Variants in ABCA1 observed in about 807,000 individuals in gnomAD.
ABCA1 encodes phospholipid-transporting ATPase ABCA1.
A neutral mutation model predicts 262.5 loss-of-function variants in ABCA1; 133 were observed. That is an observed-to-expected ratio of 0.51 (90% confidence interval 0.44 to 0.59). The LOEUF (loss-of-function observed/expected upper bound fraction) is 0.59. ABCA1 is among the 20% of genes least tolerant of loss of function. The pLI is 0.00. For missense variants in ABCA1, 2,452 were observed against 2,777.5 expected, an observed-to-expected ratio of 0.88 and a Z score of 2.63; for synonymous variants, 1,022 against 1,043.5, an observed-to-expected ratio of 0.98 and a Z score of 0.40.
chr9:104,807,047 G>A (rs1049435977), intron 30 of ABCA1, among the ~76,000 whole-genome samples: 4 of 152,178 alleles, frequency 2.6e-5, no homozygotes, highest in Non-Finnish European at 4.4e-5. Context: ...AGGAAGAAAT[G>A]CATTTCTATT....
intron 41 of ABCA1, 24 bp downstream of exon 41, chr9:104,793,147 C>T (rs1168648863): frequency 1.2e-6 from 2 of 1,613,686 alleles, no homozygotes; most frequent in Middle Eastern, 1.6e-4. Context: ...CCAGGTGCTC[C>T]ACGGGTTCTA....
At chr9:104,857,444 C>T (rs1191760325) in intron 7 of ABCA1, among the ~76,000 whole-genome samples, 4 of 152,124 alleles carry the variant, frequency 2.6e-5, no homozygotes, top group Non-Finnish European at 4.4e-5. Flanking sequence ...GTTGGCCAGG[C>T]TGGTCTCAAA....
At chr9:104,866,022 C>T (rs1327575137) in intron 5 of ABCA1, among the ~76,000 whole-genome samples, 1 of 152,080 alleles carries the variant, frequency 6.6e-6, no homozygotes, top group Non-Finnish European at 1.5e-5. Flanking sequence ...TGCTTCATGG[C>T]GAGCAACCAG....
At chr9:104,901,496 G>A (rs1298545152) in intron 2 of ABCA1, among the ~76,000 whole-genome samples, 1 of 152,168 alleles carries the variant, frequency 6.6e-6, no homozygotes. Context: ...CAATTTCCCA[G>A]CAAGTGGGCC....
At chr9:104,920,806 G>A (rs574446186) in intron 1 of ABCA1, among the ~76,000 whole-genome samples, 21 of 152,260 alleles carry the variant, frequency 1.4e-4, no homozygotes, top group African/African-American at 2.6e-4. Flanking sequence ...CATCGCGCCC[G>A]GCCTAAAGCA....
intron 5 of ABCA1, among the ~76,000 whole-genome samples, chr9:104,870,887 G>A (rs1468624013): frequency 6.6e-6 from 1 of 152,080 alleles, no homozygotes; most frequent in African/African-American, 2.4e-5. Flanking sequence ...CTCAGTGGGG[G>A]AGCTTCTGAG....
chr9:104,784,046 A>C lies in ABCA1; in HGVS notation c.*269T>G. ...AACCCATATGTCCATTGGGTTCCAT[A>C]ATAGAGTTTCACATAGGTATAGGTA... is the stretch of plus-strand genomic sequence containing the variant. On this transcript the variant is annotated 3_prime_UTR_variant, in exon 50 of 50. Transcript: ENST00000374736. 1 of 431,538 alleles carries C rather than the reference A, an allele frequency of 2.3e-6. No individual in the cohort carries two copies. Among genetic ancestry groups the C allele is most frequent in the Non-Finnish European group, 4.2e-6 (1 of 237,712 alleles). 26.7% of individuals were successfully genotyped at this position (431,538 alleles called of 1,614,324 possible).
At chr9:104,825,528 C>T in intron 17 of ABCA1, 155 bp downstream of exon 17, 1 of 758,348 alleles carries the variant, frequency 1.3e-6, no homozygotes, top group Non-Finnish European at 2.3e-6. Flanking sequence ...ATTGTACTTT[C>T]AGCATCAGCT....
At chr9:104,895,622 T>C (rs754337034) in intron 2 of ABCA1, among the ~76,000 whole-genome samples, 12 of 152,202 alleles carry the variant, frequency 7.9e-5, no homozygotes, top group Non-Finnish European at 1.8e-4. Flanking sequence ...CTAGTACTTA[T>C]CATCATGTTA....
intron 7 of ABCA1, chr9:104,855,345 C>A (rs984622627): frequency 5.7e-6 from 1 of 174,156 alleles, no homozygotes; most frequent in Non-Finnish European, 1.1e-5. Flanking sequence ...TACAGGTGTG[C>A]GCCACCACGC....
intron 29 of ABCA1, among the ~76,000 whole-genome samples, chr9:104,810,165 T>C (rs920232615): frequency 8.0e-6 from 1 of 125,724 alleles, no homozygotes; most frequent in Non-Finnish European, 1.8e-5. Flanking sequence ...TATATATATA[T>C]ATACTTTTTT....
intron 2 of ABCA1, among the ~76,000 whole-genome samples, chr9:104,903,106 G>A (rs1430443868): frequency 6.6e-6 from 1 of 152,242 alleles, no homozygotes; most frequent in South Asian, 2.1e-4. Flanking sequence ...CATCTGGGAA[G>A]TGAATGGCTT....
Position 104,858,712 on chromosome 9 carries a change from A to G in ABCA1, c.544-14T>C. The G allele has an allele frequency of 6.2e-7, 1 of 1,614,032 alleles. No individual in the cohort carries two copies. Among genetic ancestry groups the G allele is most frequent in the Non-Finnish European group, 8.5e-7 (1 of 1,179,942 alleles). ...TTGCAAAAATACCTGGAAGCATTTC[A>G]TGCAAAGAGAGACAAGCACAAGAGG... On this transcript the variant is annotated splice_polypyrimidine_tract_variant and intron_variant, in intron 6 of 49. Transcript: ENST00000374736.
chr9:104,824,708 G>A (rs1455459122), intron 17 of ABCA1, 130 bp from the exon 18 acceptor site: 6 of 1,146,270 alleles, frequency 5.2e-6, no homozygotes, highest in Non-Finnish European at 7.6e-6. Context: ...TGTGGGGAAA[G>A]AGGGAGCTAA....
chr9:104,822,857 A>G (rs1419777533), intron 18 of ABCA1, among the ~76,000 whole-genome samples, 190 bp from the exon 19 acceptor site: 2 of 152,224 alleles, frequency 1.3e-5, no homozygotes, highest in African/African-American at 2.4e-5. Context: ...TGATGGGAAT[A>G]CGATGATAAA....
intron 34 of ABCA1, among the ~76,000 whole-genome samples, chr9:104,801,365 G>A (rs1281917294): frequency 2.0e-5 from 3 of 151,610 alleles, no homozygotes; most frequent in Admixed American, 1.3e-4. Context: ...GATTACAGGC[G>A]CACGCCACCA....
At chr9:104,831,912 G>T in intron 12 of ABCA1, 85 bp from the exon 13 acceptor site, 1 of 1,207,188 alleles carries the variant, frequency 8.3e-7, no homozygotes, top group Non-Finnish European at 1.2e-6. Context: ...AGGAGGCAAG[G>T]GCTGACTACA....
chr9:104,806,083 C>A (rs529030725), intron 31 of ABCA1, among the ~76,000 whole-genome samples, 158 bp downstream of exon 31: 1 of 151,812 alleles, frequency 6.6e-6, no homozygotes, highest in Non-Finnish European at 1.5e-5. Flanking sequence ...CCAGCCTGGG[C>A]GACAGAGCAA....
At chr9:104,845,938 A>G (rs148825246) in intron 7 of ABCA1, among the ~76,000 whole-genome samples, 588 of 152,324 alleles carry the variant, frequency 3.9e-3, no homozygotes, top group Non-Finnish European at 6.5e-3. Flanking sequence ...TTTGAGAAAC[A>G]AGTTAATGAC....
Sources: gnomAD v4.1 joint callset for allele counts (sites outside exome capture counted in the v4.1 genomes callset) on GRCh38, gnomAD v4.1.1 for gene constraint, MANE v1.5 for transcripts, NCBI Gene and HGNC (gene_info 2026-07-23, HGNC 2026-07-21) for gene names.